Variants in ZSCAN25 observed in about 807,000 individuals in gnomAD.
The protein encoded by ZSCAN25 is zinc finger and SCAN domain-containing protein 25.
ZSCAN25 carries 27 observed loss-of-function variants against 38.7 expected under a neutral mutation model. That is an observed-to-expected ratio of 0.70 (90% CI 0.51 to 0.96). ZSCAN25 has a LOEUF of 0.96. ZSCAN25 is among the 40% of genes least tolerant of loss of function. The pLI, the probability that ZSCAN25 is intolerant of heterozygous loss-of-function variation, is 0.00. For missense variants in ZSCAN25, 637 were observed against 705.9 expected, an observed-to-expected ratio of 0.90 and a Z score of 1.11; for synonymous variants, 273 against 277.7, an observed-to-expected ratio of 0.98 and a Z score of 0.17.
the ZSCAN25 span, among the ~76,000 whole-genome samples, chr7:99,698,677 A>C: frequency 6.6e-6 from 1 of 152,154 alleles, no homozygotes; most frequent in Non-Finnish European, 1.5e-5. Flanking sequence ...TTAGACTCAT[A>C]TTCCTGACAT....
At chr7:99,720,870 G>T in the ZSCAN25 span, 394 of 177,118 alleles carry the variant, frequency 2.2e-3, no homozygotes, top group African/African-American at 8.6e-3. Flanking sequence ...TTGCTGTGGG[G>T]CCCAAGGACA....
chr7:99,661,825 T>C, the ZSCAN25 span, among the ~76,000 whole-genome samples: 3 of 152,236 alleles, frequency 2.0e-5, no homozygotes, highest in African/African-American at 7.2e-5. Context: ...ATTTTAAAGT[T>C]GGGAGCTCTG....
the ZSCAN25 span, among the ~76,000 whole-genome samples, chr7:99,695,086 T>C: frequency 1.3e-5 from 2 of 152,118 alleles, no homozygotes; most frequent in Admixed American, 6.5e-5. Flanking sequence ...GACTCACCCA[T>C]AAGGTGCAGC....
the ZSCAN25 span, chr7:99,730,703 C>T: frequency 3.2e-5 from 8 of 251,730 alleles, no homozygotes; most frequent in South Asian, 4.8e-4. Flanking sequence ...CAATCAGGGG[C>T]TCCTGTTCCT....
At position 99,629,761 on chromosome 7, in the gene ZSCAN25, A is replaced by C. The variant is rs1458576582; in HGVS notation, c.1376A>C (p.Tyr459Ser). 1.2e-6 allele frequency: 2 copies of C among 1,614,198 alleles called. No homozygotes were observed. Among genetic ancestry groups the C allele is most frequent in the South Asian group, 2.2e-5 (2 of 91,088 alleles). ...HRRTHTGEKP[Y>S]TCECGKSFSR... ...AGGACGCACACCGGGGAGAAGCCCT[A>C]CACCTGCGAGTGTGGCAAGAGCTTC... Residue 459 changes from tyrosine to serine, a missense_variant, in exon 8 of 8, where the codon TAC becomes TCC. By Grantham distance (144) the Tyr-to-Ser change is moderately radical. Transcript: ENST00000394152. The surrounding 1 kb of genome is among the most constrained non-coding windows in gnomAD (Gnocchi z 5.6).
the ZSCAN25 span, chr7:99,672,472 C>A: frequency 2.1e-6 from 2 of 949,636 alleles, no homozygotes; most frequent in African/African-American, 3.3e-5. Flanking sequence ...TACATGGAAC[C>A]TTCCTGTACA....
chr7:99,652,829 T>G, the ZSCAN25 span: 1 of 1,409,128 alleles, frequency 7.1e-7, no homozygotes, highest in South Asian at 1.2e-5. Flanking sequence ...GAATTAACTC[T>G]CAACTGAGTC....
At chr7:99,719,744 A>G in the ZSCAN25 span, among the ~76,000 whole-genome samples, 1 of 152,192 alleles carries the variant, frequency 6.6e-6, no homozygotes, top group African/African-American at 2.4e-5. Context: ...CATGCTGGTC[A>G]TTGCACAAAT....
At chr7:99,675,115 G>A in the ZSCAN25 span, among the ~76,000 whole-genome samples, 1 of 151,936 alleles carries the variant, frequency 6.6e-6, no homozygotes. Flanking sequence ...ATGTTGTTGA[G>A]TGAGAAAGTG....
chr7:99,665,095 A>G, the ZSCAN25 span: 3 of 1,276,120 alleles, frequency 2.4e-6, no homozygotes, highest in Admixed American at 6.9e-5. Context: ...GATGAATTAT[A>G]CGATATGTGA....
chr7:99,637,046 C>T (rs181277876), downstream of ZSCAN25, among the ~76,000 whole-genome samples: 587 of 152,286 alleles, frequency 3.9e-3, 5 homozygotes, highest in African/African-American at 0.011. Context: ...AAATTAAATA[C>T]CTTTTTTATA....
the ZSCAN25 span, chr7:99,713,331 A>G: frequency 2.9e-6 from 4 of 1,368,594 alleles, no homozygotes; most frequent in Non-Finnish European, 4.1e-6. Flanking sequence ...TCCAGCTACC[A>G]TTTTAACATC....
At chr7:99,640,719 A>G in the ZSCAN25 span, among the ~76,000 whole-genome samples, 8,898 of 152,236 alleles carry the variant, frequency 0.058, 552 homozygotes, top group East Asian at 0.27. Flanking sequence ...ATCTTGTCCA[A>G]CGCATTCCCA....
the ZSCAN25 span, among the ~76,000 whole-genome samples, chr7:99,655,311 C>T: frequency 9.9e-5 from 15 of 152,274 alleles, no homozygotes; most frequent in South Asian, 3.1e-3. Flanking sequence ...AGCCAGTTTT[C>T]CCAGCACCAT....
At chr7:99,643,608 G>A in the ZSCAN25 span, among the ~76,000 whole-genome samples, 1 of 152,118 alleles carries the variant, frequency 6.6e-6, no homozygotes, top group East Asian at 1.9e-4. Flanking sequence ...ACCCAGGAAA[G>A]GCTGATTCTT....
At chr7:99,696,857 G>A in the ZSCAN25 span, among the ~76,000 whole-genome samples, 1 of 152,226 alleles carries the variant, frequency 6.6e-6, no homozygotes, top group African/African-American at 2.4e-5. Flanking sequence ...GTGTTTCCTC[G>A]TGACAATGAG....
the ZSCAN25 span, among the ~76,000 whole-genome samples, chr7:99,709,810 A>G: frequency 6.6e-6 from 1 of 152,216 alleles, no homozygotes; most frequent in East Asian, 1.9e-4. Flanking sequence ...ATATGCATAT[A>G]TACACAAAAG....
chr7:99,709,784 G>GTT, the ZSCAN25 span, among the ~76,000 whole-genome samples: 14 of 151,704 alleles, frequency 9.2e-5, no homozygotes, highest in African/African-American at 3.4e-4. Context: ...ATGTGTGTGT[G>GTT]TGTGTATATA....
chr7:99,652,444 AC>A, the ZSCAN25 span: 1 of 768,154 alleles, frequency 1.3e-6, no homozygotes, highest in Admixed American at 2.9e-5. Flanking sequence ...AAAAAGACTT[AC>A]AAGCAAATGA....
Sources: gnomAD v4.1 joint callset for allele counts (sites outside exome capture counted in the v4.1 genomes callset) on GRCh38, gnomAD v4.1.1 for gene constraint, Gnocchi (gnomAD v3.1) non-coding constraint, MANE v1.5 for transcripts, NCBI Gene and HGNC (gene_info 2026-07-23, HGNC 2026-07-21) for gene names.